FOXO3: variants seen among roughly 807,000 people sequenced by gnomAD.
The protein encoded by FOXO3 is forkhead box O3, also known as forkhead box protein O3.
FOXO3 carries 4 observed loss-of-function variants against 41.9 expected under a neutral mutation model. The observed-to-expected ratio is 0.10, with a 90% CI of 0.05 to 0.22. The LOEUF is 0.22. FOXO3 is among the 10% of genes least tolerant of loss of function. The pLI, the probability that FOXO3 is intolerant of heterozygous loss-of-function variation, is 1.00. For missense variants in FOXO3, 534 were observed against 906.8 expected (o/e 0.59, Z 5.28); for synonymous variants, 318 against 389.3 (o/e 0.82, Z 2.16).
At position 108,664,826 on chromosome 6, in the gene FOXO3, G is replaced by A. The variant is rs779354367; in HGVS notation, c.1993G>A (p.Ala665Thr). 6.5e-7 allele frequency: 1 copy of A among 1,533,908 alleles called. No homozygotes were observed. Among genetic ancestry groups the A allele is most frequent in the Non-Finnish European group, 8.7e-7 (1 of 1,146,346 alleles). The change falls in exon 2 of 3, where the codon GCC (alanine) becomes ACC (threonine). Residue 665 changes from alanine to threonine, a missense_variant. Transcript: ENST00000406360. Reference protein sequence around the residue: ...NVGNFTGAKQASSQSWVPG With the variant: ...NVGNFTGAKQTSSQSWVPG ...GGGGAACTTCACTGGTGCTAAGCAG[G>A]CCTCATCTCAGAGCTGGGTGCCAGG... is the stretch of plus-strand genomic sequence containing the variant.
At chr6:108,573,998 A>C (rs1776188842) in intron 1 of FOXO3, among the ~76,000 whole-genome samples, 1 of 151,780 alleles carries the variant, frequency 6.6e-6, no homozygotes, top group African/African-American at 2.4e-5. Context: ...CTAAAAATAC[A>C]AAAAATTAGC....
At chr6:108,626,358 C>T (rs1022990618) in intron 1 of FOXO3, among the ~76,000 whole-genome samples, 3 of 152,208 alleles carry the variant, frequency 2.0e-5, no homozygotes, top group African/African-American at 7.2e-5. Context: ...ATACCTATGA[C>T]ACCCTTTCCT....
At position 108,595,688 on chromosome 6, in the gene FOXO3, C is replaced by T. The variant is rs188145138; in HGVS notation, c.621+33859C>T. Among the ~76,000 whole-genome samples, 4 of 152,280 alleles carry T rather than the reference C, an allele frequency of 2.6e-5. No homozygotes were observed. The East Asian group carries it at 5.8e-4, about 22-fold the overall frequency. On this transcript the variant is annotated intron_variant, in intron 1 of 2. Coordinates refer to ENST00000406360, the MANE Select transcript of FOXO3 (RefSeq NM_001455.4). ...GCAAAAACCATATAAAATCTGCCTT[C>T]CTACATTTCCCATTCCTAAGACTTT... is the stretch of plus-strand genomic sequence containing the variant.
At chr6:108,623,406 T>C (rs1777727983) in intron 1 of FOXO3, among the ~76,000 whole-genome samples, 1 of 152,170 alleles carries the variant, frequency 6.6e-6, no homozygotes, top group African/African-American at 2.4e-5. Context: ...TGTCACCTCT[T>C]CAGTTTGGGT....
At chr6:108,643,075 A>G (rs1230259708) in intron 1 of FOXO3, among the ~76,000 whole-genome samples, 2 of 152,248 alleles carry the variant, frequency 1.3e-5, no homozygotes, top group Non-Finnish European at 2.9e-5. Flanking sequence ...GTTACTCTTT[A>G]CTTCCAAATC....
intron 1 of FOXO3, among the ~76,000 whole-genome samples, chr6:108,581,648 T>G (rs79288896): frequency 0.023 from 3,450 of 152,196 alleles, 121 homozygotes; most frequent in African/African-American, 0.079. Flanking sequence ...GCAAAGTTAT[T>G]TTGTGGTTTT....
At chr6:108,654,123 G>A (rs1461104883) in intron 1 of FOXO3, among the ~76,000 whole-genome samples, 2 of 152,016 alleles carry the variant, frequency 1.3e-5, no homozygotes, top group African/African-American at 4.8e-5. Flanking sequence ...CTAGAAATAG[G>A]AGAGTTTGTG....
Position 108,663,637 on chromosome 6 carries a change from CAAG to C in FOXO3, c.811_813del (p.Lys271del), listed in dbSNP as rs752744042. On this transcript the variant is annotated inframe_deletion, in exon 2 of 3. Coordinates refer to ENST00000406360, the MANE Select transcript of FOXO3 (RefSeq NM_001455.4). ...ATACCAAGAGCCGTGGCCGCGCAGC[CAAG>C]AAGAAGGCAGCCCTGCAGACAGCCC... The C allele has an allele frequency of 5.0e-6, 8 of 1,613,368 alleles. No homozygotes were observed. The highest frequency in any genetic ancestry group is 1.6e-4 in the Middle Eastern group (1 of 6,078).
chr6:108,566,894 A>G (rs1359043581), intron 1 of FOXO3, among the ~76,000 whole-genome samples: 1 of 152,218 alleles, frequency 6.6e-6, no homozygotes, highest in Non-Finnish European at 1.5e-5. Flanking sequence ...AGTGAATGAA[A>G]GATTGGAAAG....
In FOXO3 at chr6:108,668,799, T is replaced by C. The variant is rs369496052; in HGVS notation, c.*34+3910T>C. Reference sequence around the variant, plus strand: ...TCTCATTTGTCAAAAGAAGACAGCCTCATCAAGTTTTAAAGGTGCATAGTA... The same window carrying C: ...TCTCATTTGTCAAAAGAAGACAGCCCCATCAAGTTTTAAAGGTGCATAGTA... On this transcript the variant is annotated intron_variant, in intron 2 of 2. Transcript: ENST00000406360. Among the ~76,000 whole-genome samples, 3 of 152,322 alleles carry C rather than the reference T, an allele frequency of 2.0e-5. No homozygotes were observed. In the South Asian group the frequency reaches 6.2e-4, roughly 32 times the overall value.
chr6:108,646,666 C>T (rs994532915), intron 1 of FOXO3, among the ~76,000 whole-genome samples: 6 of 152,108 alleles, frequency 3.9e-5, no homozygotes, highest in Admixed American at 1.3e-4. Context: ...CCTGTGACTT[C>T]GATTGCTAAA....
chr6:108,650,919 A>T (rs1349505614), intron 1 of FOXO3, among the ~76,000 whole-genome samples: 1 of 152,194 alleles, frequency 6.6e-6, no homozygotes, highest in Non-Finnish European at 1.5e-5. Context: ...TGACTTGGTC[A>T]GCATTTCATA....
chr6:108,561,020 C>T lies in FOXO3; in HGVS notation c.-189C>T. The stretch of plus-strand genomic sequence containing the variant: ...GAGGTGGCGGCAGCGGGCGAGGACT[C>T]GCCGAGGACGGGGCTCCGGCCCGGG... On this transcript the variant is annotated 5_prime_UTR_variant, in exon 1 of 3. Transcript: ENST00000406360. 3 of 1,379,022 alleles carry T rather than the reference C, an allele frequency of 2.2e-6. No individual in the cohort carries two copies. Among genetic ancestry groups the T allele is most frequent in the South Asian group, 1.7e-5 (1 of 58,634 alleles). 85.4% of individuals were successfully genotyped at this position (1,379,022 alleles called of 1,614,324 possible).
At position 108,594,727 on chromosome 6, in the gene FOXO3, T is replaced by C. The variant is rs192964453; in HGVS notation, c.621+32898T>C. On this transcript the variant is annotated intron_variant, in intron 1 of 2. Coordinates refer to ENST00000406360, the MANE Select transcript of FOXO3 (RefSeq NM_001455.4). ...CCCATGGCCCTGTGGGTCTGGTGTG[T>C]CTCAGTGACCCAGTAGGTGTAGGGC... Among the ~76,000 whole-genome samples, 191 of 152,318 alleles carry C rather than the reference T, an allele frequency of 1.3e-3. 1 individual carries two copies. The highest frequency in any genetic ancestry group is 4.5e-3 in the African/African-American group (186 of 41,576).
At chr6:108,620,211 G>T (rs1199147144) in intron 1 of FOXO3, among the ~76,000 whole-genome samples, 2 of 152,124 alleles carry the variant, frequency 1.3e-5, no homozygotes, top group Non-Finnish European at 2.9e-5. Context: ...CAGGAGCCCA[G>T]AAATACATAA....
intron 1 of FOXO3, among the ~76,000 whole-genome samples, chr6:108,638,477 T>C (rs1224787163): frequency 1.3e-5 from 2 of 152,202 alleles, no homozygotes; most frequent in Admixed American, 6.5e-5. Context: ...CAAGGCACTT[T>C]AGCTCTCTGG....
At chr6:108,601,263 C>T (rs1021915790) in intron 1 of FOXO3, among the ~76,000 whole-genome samples, 12 of 151,846 alleles carry the variant, frequency 7.9e-5, no homozygotes, top group African/African-American at 1.2e-4. Context: ...CCACCCACCT[C>T]GGCCTCCCAA....
At chr6:108,652,169 C>T (rs774258645) in intron 1 of FOXO3, among the ~76,000 whole-genome samples, 2 of 152,150 alleles carry the variant, frequency 1.3e-5, no homozygotes, top group African/African-American at 2.4e-5. Flanking sequence ...AGCCTCCAGA[C>T]GTGCCACCAA....
intron 1 of FOXO3, among the ~76,000 whole-genome samples, chr6:108,603,071 C>CT (rs890056429): frequency 6.6e-6 from 1 of 151,668 alleles, no homozygotes; most frequent in East Asian, 1.9e-4. Context: ...CAATGTAAGA[C>CT]TTTTTTTCCC....
Sources: allele counts gnomAD v4.1 joint callset (sites outside exome capture counted in the v4.1 genomes callset), GRCh38; gene constraint gnomAD v4.1.1; transcripts MANE v1.5; gene names NCBI Gene and HGNC (gene_info 2026-07-23, HGNC 2026-07-21).